DCHS2: variants seen among roughly 807,000 people sequenced by gnomAD.
The protein encoded by DCHS2 is dachsous cadherin-related 2, also known as protocadherin-23.
A neutral mutation model predicts 182.4 loss-of-function variants in DCHS2; 142 were observed. The ratio of observed to expected loss-of-function variants is 0.78; its 90% CI spans 0.68 to 0.89. The LOEUF is 0.89. DCHS2 is among the 40% of genes least tolerant of loss of function. The probability of loss-of-function intolerance (pLI) is 0.00; values close to 1 mark genes in which losing one functional copy is unlikely to be tolerated. For missense variants in DCHS2, 4,319 were observed against 4,198.6 expected, an observed-to-expected ratio of 1.03 and a Z score of -0.79; for synonymous variants, 1,740 against 1,663.3, an observed-to-expected ratio of 1.05 and a Z score of -1.12.
intron 1 of DCHS2, among the ~76,000 whole-genome samples, chr4:154,405,589 C>T (rs1231144911): frequency 4.0e-5 from 6 of 151,786 alleles, no homozygotes; most frequent in African/African-American, 1.5e-4. Flanking sequence ...AATCTTTTTT[C>T]TTTTCATTCT....
chr4:154,358,838 T>C (rs1362199948), intron 3 of DCHS2, among the ~76,000 whole-genome samples: 1 of 151,914 alleles, frequency 6.6e-6, no homozygotes, highest in Non-Finnish European at 1.5e-5. Flanking sequence ...CTAAGCTCTC[T>C]ATTAGAAGTT....
chr4:154,340,565 C>G (rs1310150233), intron 3 of DCHS2, among the ~76,000 whole-genome samples: 1 of 152,018 alleles, frequency 6.6e-6, no homozygotes, highest in Non-Finnish European at 1.5e-5. Flanking sequence ...TTGAGGTTCC[C>G]GATGATTTGA....
chr4:154,291,448 T>C (rs961841200), intron 13 of DCHS2, among the ~76,000 whole-genome samples: 1 of 152,184 alleles, frequency 6.6e-6, no homozygotes, highest in Non-Finnish European at 1.5e-5. Flanking sequence ...TGTTAGGTTA[T>C]ATACTTAAAA....
In DCHS2 at chr4:154,332,349, A is replaced by C. The variant is rs1736571512; in HGVS notation, c.3730+129T>G. 4.0e-6 allele frequency: 3 copies of C among 751,046 alleles called. No homozygotes were observed. The South Asian group carries it at 6.1e-5, about 15-fold the overall frequency. The allele number at this position is 751,046 out of a possible 1,614,324, so 46.5% of individuals were successfully genotyped here. A position where few individuals can be genotyped will look rare whatever the true frequency, so the allele number is the denominator to read the frequency against. ...TCAATTGCATGTATGCACTAATGCTATACCTAACGACTTGAGTTTTCTCAA... is the reference window on the plus strand; with the variant it reads ...TCAATTGCATGTATGCACTAATGCTCTACCTAACGACTTGAGTTTTCTCAA... On this transcript the variant is annotated intron_variant, in intron 5 of 19. Transcript: ENST00000357232.
chr4:154,379,526 C>T (rs1361570300), intron 1 of DCHS2, among the ~76,000 whole-genome samples: 1 of 152,050 alleles, frequency 6.6e-6, no homozygotes, highest in Non-Finnish European at 1.5e-5. Context: ...AAAGTTATAC[C>T]CAGAAATGGC....
At chr4:154,288,425 A>G (rs996688357) in intron 13 of DCHS2, among the ~76,000 whole-genome samples, 1 of 152,168 alleles carries the variant, frequency 6.6e-6, no homozygotes, top group Non-Finnish European at 1.5e-5. Context: ...TAAGGAAAAT[A>G]TTATTAGACC....
At chr4:154,292,929 T>A (rs987842289) in intron 13 of DCHS2, among the ~76,000 whole-genome samples, 1 of 152,210 alleles carries the variant, frequency 6.6e-6, no homozygotes, top group Admixed American at 6.5e-5. Context: ...GTTTCTTAAA[T>A]GTGCCACTTT....
At chr4:154,308,253 T>TAA (rs761910625) in intron 10 of DCHS2, among the ~76,000 whole-genome samples, 3 of 134,758 alleles carry the variant, frequency 2.2e-5, no homozygotes, top group Middle Eastern at 3.3e-3. Flanking sequence ...CTGACCAATT[T>TAA]AAAAAAAAAA....
At chr4:154,485,113 T>TC (rs112484560) in intron 1 of DCHS2, among the ~76,000 whole-genome samples, 2 of 151,520 alleles carry the variant, frequency 1.3e-5, no homozygotes, top group Non-Finnish European at 1.5e-5. Flanking sequence ...CTTTTTTTTT[T>TC]AAATGAACTT....
chr4:154,255,886 A>G (rs1236286920), intron 15 of DCHS2, among the ~76,000 whole-genome samples: 1 of 152,240 alleles, frequency 6.6e-6, no homozygotes, highest in African/African-American at 2.4e-5. Context: ...ATTTTCAAAT[A>G]GCTCTCAGTA....
chr4:154,284,717 G>A (rs559595755), intron 13 of DCHS2: 1 of 152,282 alleles, frequency 6.6e-6, no homozygotes, highest in Non-Finnish European at 1.5e-5. Context: ...CTGGTGATAG[G>A]GGAATCTCCT....
rs776331661 is a variant in DCHS2, at chr4:154,491,486, C to A, written c.-131G>T. ...CTTTGTTTGGCAAACAAACCGACGG[C>A]CCAGGAATTCCCGAGGTTACATCTG... On this transcript the variant is annotated 5_prime_UTR_variant, in exon 1 of 20. Transcript: ENST00000357232. The A allele has an allele frequency of 1.4e-4, 192 of 1,406,434 alleles. No individual in the cohort carries two copies. The highest frequency in any genetic ancestry group is 1.7e-4 in the Non-Finnish European group (187 of 1,086,182). The allele number at this position is 1,406,434 out of a possible 1,614,324, so 87.1% of individuals were successfully genotyped here. A position where few individuals can be genotyped will look rare whatever the true frequency, so the allele number is the denominator to read the frequency against.
Position 154,320,493 on chromosome 4 carries a change from A to G in DCHS2, c.4906T>C (p.Ser1636Pro). 1.2e-6 allele frequency: 2 copies of G among 1,614,108 alleles called. No individual in the cohort carries two copies. Among genetic ancestry groups the G allele is most frequent in the South Asian group, 1.1e-5 (1 of 91,078 alleles). ...AHVKEDVTVGSLVHHITAHDP... is the reference protein window; with the variant it reads ...AHVKEDVTVGPLVHHITAHDP... ...TGAGCAGTTATGTGGTGGACCAAGG[A>G]GCCCACTGTGACATCCTCTTTGACA... Residue 1636 changes from serine (S) to proline (P), a missense_variant, in exon 9 of 20, where the codon TCC becomes CCC. Transcript: ENST00000357232.
intron 1 of DCHS2, among the ~76,000 whole-genome samples, chr4:154,472,571 A>G (rs1315017926): frequency 1.3e-5 from 2 of 152,232 alleles, no homozygotes; most frequent in East Asian, 3.8e-4. Flanking sequence ...GAAACTGTTC[A>G]TTAAGACTAA....
At chr4:154,423,616 T>C (rs549076527) in intron 1 of DCHS2, among the ~76,000 whole-genome samples, 2 of 152,358 alleles carry the variant, frequency 1.3e-5, no homozygotes, top group South Asian at 2.1e-4. Flanking sequence ...CCAGCTGAGC[T>C]TCTTTTCATC....
intron 13 of DCHS2, among the ~76,000 whole-genome samples, chr4:154,291,109 G>C (rs75698111): frequency 6.6e-6 from 1 of 151,908 alleles, no homozygotes; most frequent in Non-Finnish European, 1.5e-5. Flanking sequence ...CTAATAATCC[G>C]ATTAAAAAAT....
intron 1 of DCHS2, among the ~76,000 whole-genome samples, chr4:154,388,244 G>C (rs973171764): frequency 4.6e-5 from 7 of 151,834 alleles, no homozygotes; most frequent in African/African-American, 1.5e-4. Context: ...ATTCATAAGA[G>C]AGAATTCAAT....
intron 1 of DCHS2, among the ~76,000 whole-genome samples, chr4:154,482,170 C>A (rs1187508096): frequency 6.6e-6 from 1 of 152,274 alleles, no homozygotes; most frequent in East Asian, 1.9e-4. Flanking sequence ...AAACAATAAT[C>A]AAGACTAAGA....
At chr4:154,451,056 C>T (rs1007503259) in intron 1 of DCHS2, among the ~76,000 whole-genome samples, 1 of 152,078 alleles carries the variant, frequency 6.6e-6, no homozygotes, top group African/African-American at 2.4e-5. Flanking sequence ...ACTGAGTGAC[C>T]CAAAAGCTGC....
Sources: gnomAD v4.1 joint callset for allele counts (sites outside exome capture counted in the v4.1 genomes callset) on GRCh38, gnomAD v4.1.1 for gene constraint, MANE v1.5 for transcripts, NCBI Gene and HGNC (gene_info 2026-07-23, HGNC 2026-07-21) for gene names.